The following GALNTL6 variants were observed in gnomAD, a reference collection of about 807,000 sequenced individuals.
GALNTL6 encodes the protein polypeptide N-acetylgalactosaminyltransferase-like 6.
In GALNTL6, 46 loss-of-function variants were observed where a neutral mutation model predicts 73.7. The observed-to-expected ratio is 0.62, with a 90% confidence interval of 0.49 to 0.80. The LOEUF (loss-of-function observed/expected upper bound fraction) is 0.80, where lower values mean the gene tolerates loss of function less well. Among genes scored for constraint, GALNTL6 ranks in the 30% least tolerant of loss-of-function variants. GALNTL6 has a pLI of 0.00. For synonymous variants in GALNTL6, 259 were observed against 263.7 expected (o/e 0.98, Z 0.17); for missense variants, 604 against 755.0 (o/e 0.80, Z 2.34).
At chr4:172,306,952 G>T (rs1461610053) in intron 3 of GALNTL6, among the ~76,000 whole-genome samples, 3 of 152,098 alleles carry the variant, frequency 2.0e-5, no homozygotes, top group Non-Finnish European at 4.4e-5. Flanking sequence ...TTCTTATGAT[G>T]ACTTCTTTCC....
chr4:172,543,352 C>A (rs1260683183), intron 5 of GALNTL6, among the ~76,000 whole-genome samples: 1 of 152,188 alleles, frequency 6.6e-6, no homozygotes, highest in African/African-American at 2.4e-5. Context: ...TTGGCTTTAT[C>A]CAAAAGCTAA....
chr4:172,283,010 A>G (rs537657430), intron 3 of GALNTL6, among the ~76,000 whole-genome samples: 2 of 152,328 alleles, frequency 1.3e-5, no homozygotes, highest in African/African-American at 2.4e-5. Flanking sequence ...TCTTTGCTCT[A>G]CATTTCTTAC....
intron 5 of GALNTL6, among the ~76,000 whole-genome samples, chr4:172,653,439 T>G (rs1186512287): frequency 6.6e-6 from 1 of 152,116 alleles, no homozygotes; most frequent in Non-Finnish European, 1.5e-5. Flanking sequence ...CAGGCTGGTC[T>G]TGAACTCCTG....
At chr4:172,423,043 A>G (rs1731106152) in intron 5 of GALNTL6, among the ~76,000 whole-genome samples, 1 of 151,778 alleles carries the variant, frequency 6.6e-6, no homozygotes. Flanking sequence ...ATACTTTGGT[A>G]TTCTACATTT....
At chr4:172,655,595 T>C (rs1481145087) in intron 5 of GALNTL6, among the ~76,000 whole-genome samples, 1 of 152,166 alleles carries the variant, frequency 6.6e-6, no homozygotes, top group Non-Finnish European at 1.5e-5. Context: ...CCTAGGTGTC[T>C]TCCGCCCTGA....
intron 5 of GALNTL6, among the ~76,000 whole-genome samples, chr4:172,630,210 A>G (rs554031642): frequency 1.2e-3 from 179 of 152,328 alleles, no homozygotes; most frequent in African/African-American, 3.7e-3. Flanking sequence ...AGAAAACATA[A>G]CCATTACAAA....
At chr4:172,964,863 C>G (rs1373120439) in intron 10 of GALNTL6, among the ~76,000 whole-genome samples, 1 of 152,216 alleles carries the variant, frequency 6.6e-6, no homozygotes. Flanking sequence ...TTCTGCACAA[C>G]GAGCGAGGCT....
chr4:171,975,313 TA>T (rs1739689548), intron 2 of GALNTL6, among the ~76,000 whole-genome samples: 1 of 152,204 alleles, frequency 6.6e-6, no homozygotes, highest in Non-Finnish European at 1.5e-5. Flanking sequence ...TGTGATGCTC[TA>T]CCCTACTTAT....
chr4:172,367,459 A>G (rs1267641169), intron 5 of GALNTL6, among the ~76,000 whole-genome samples: 2 of 151,510 alleles, frequency 1.3e-5, no homozygotes, highest in Non-Finnish European at 2.9e-5. Flanking sequence ...GGCCCCTAGA[A>G]AGACCTTTTT....
chr4:172,854,813 G>A (rs1011015728), intron 7 of GALNTL6, among the ~76,000 whole-genome samples: 7 of 151,982 alleles, frequency 4.6e-5, no homozygotes, highest in South Asian at 2.1e-4. Context: ...CCAAGTCATC[G>A]CAACTAGACG....
chr4:172,067,382 C>G (rs147795205), intron 2 of GALNTL6, among the ~76,000 whole-genome samples: 1 of 151,966 alleles, frequency 6.6e-6, no homozygotes, highest in East Asian at 1.9e-4. Flanking sequence ...TATCTCTGTA[C>G]GCTCTACCTC....
intron 2 of GALNTL6, among the ~76,000 whole-genome samples, chr4:172,229,115 C>T (rs1479602645): frequency 2.0e-5 from 3 of 152,194 alleles, no homozygotes; most frequent in Admixed American, 1.3e-4. Context: ...TCAGTTTACT[C>T]GGCAGAAAAA....
chr4:172,181,268 G>A (rs1449025909), intron 2 of GALNTL6, among the ~76,000 whole-genome samples: 1 of 152,106 alleles, frequency 6.6e-6, no homozygotes, highest in African/African-American at 2.4e-5. Flanking sequence ...AGTATATCCA[G>A]CACGATCAAG....
chr4:172,151,938 A>C (rs1734099913), intron 2 of GALNTL6, among the ~76,000 whole-genome samples: 2 of 146,510 alleles, frequency 1.4e-5, no homozygotes, highest in African/African-American at 5.1e-5. Flanking sequence ...ATATAAATTT[A>C]TATCTATCTA....
chr4:172,126,622 C>T (rs1449769863), intron 2 of GALNTL6, among the ~76,000 whole-genome samples: 1 of 152,146 alleles, frequency 6.6e-6, no homozygotes, highest in Non-Finnish European at 1.5e-5. Context: ...CAGAGACTCA[C>T]ATCATAGCCA....
At chr4:172,212,396 G>T (rs897724819) in intron 2 of GALNTL6, among the ~76,000 whole-genome samples, 1 of 152,008 alleles carries the variant, frequency 6.6e-6, no homozygotes, top group Non-Finnish European at 1.5e-5. Flanking sequence ...TCCTGACTTT[G>T]TGATCCGCCG....
chr4:172,847,379 T>G (rs770123254), intron 7 of GALNTL6, among the ~76,000 whole-genome samples: 2 of 152,190 alleles, frequency 1.3e-5, no homozygotes, highest in Non-Finnish European at 2.9e-5. Flanking sequence ...TTCATATTTC[T>G]TCCACCCAGG....
intron 5 of GALNTL6, among the ~76,000 whole-genome samples, chr4:172,688,684 ACT>A (rs1733078176): frequency 6.6e-6 from 1 of 151,934 alleles, no homozygotes; most frequent in South Asian, 2.1e-4. Context: ...CTGCTCCACA[ACT>A]CTGTGCAGGC....
intron 7 of GALNTL6, among the ~76,000 whole-genome samples, chr4:172,873,005 G>C (rs893431380): frequency 1.3e-5 from 2 of 152,140 alleles, no homozygotes; most frequent in Non-Finnish European, 2.9e-5. Context: ...TATGCCATCC[G>C]AGTACTCCAT....
Sources: allele counts gnomAD v4.1 joint callset (sites outside exome capture counted in the v4.1 genomes callset), GRCh38; gene constraint gnomAD v4.1.1; transcripts MANE v1.5; gene names NCBI Gene and HGNC (gene_info 2026-07-23, HGNC 2026-07-21).